The following UBE3A variants were observed in gnomAD, a reference collection of about 807,000 sequenced individuals.
UBE3A encodes the protein ubiquitin protein ligase E3A.
A neutral mutation model predicts 83.4 loss-of-function variants in UBE3A; 6 were observed. The observed-to-expected ratio is 0.07, with a 90% CI of 0.04 to 0.14. The LOEUF is 0.14. UBE3A is among the 10% of genes least tolerant of loss of function. The pLI is 1.00. For missense variants in UBE3A, 456 were observed against 1,036.1 expected (o/e 0.44, Z 7.69); for synonymous variants, 337 against 355.4 (o/e 0.95, Z 0.58).
intron 4 of UBE3A, among the ~76,000 whole-genome samples, chr15:25,380,944 G>A (rs1286768868): frequency 6.6e-6 from 1 of 152,182 alleles, no homozygotes; most frequent in Non-Finnish European, 1.5e-5. Context: ...GAATTAATGG[G>A]ACAGTGCTAC....
intron 4 of UBE3A, among the ~76,000 whole-genome samples, chr15:25,384,655 GA>G (rs148771091): frequency 5.2e-4 from 77 of 148,368 alleles, no homozygotes; most frequent in Non-Finnish European, 7.5e-4. Flanking sequence ...TACAGAAACA[GA>G]AAAAAAAAAT....
intron 4 of UBE3A, among the ~76,000 whole-genome samples, chr15:25,392,448 G>T (rs552914943): frequency 6.6e-6 from 1 of 152,082 alleles, no homozygotes. Flanking sequence ...CCTTTGGACA[G>T]TTTCATCTTT....
intron 11 of UBE3A, among the ~76,000 whole-genome samples, chr15:25,344,783 AT>A (rs774140931): frequency 6.6e-6 from 1 of 152,128 alleles, no homozygotes; most frequent in Non-Finnish European, 1.5e-5. Flanking sequence ...AGAAAAAAGA[AT>A]GCCAGGTATA....
intron 6 of UBE3A, among the ~76,000 whole-genome samples, chr15:25,364,805 G>C (rs950656776): frequency 1.3e-5 from 2 of 151,896 alleles, no homozygotes; most frequent in African/African-American, 4.8e-5. Flanking sequence ...CACCGCGCCT[G>C]GCTATTTTTT....
chr15:25,367,168 T>TTTACATATTTGTAAATATGTAAATAC (rs1260889393), intron 6 of UBE3A, among the ~76,000 whole-genome samples: 1 of 116,224 alleles, frequency 8.6e-6, no homozygotes, highest in Non-Finnish European at 1.9e-5. Context: ...AATGGGTATA[T>TTTACATATTTGTAAATATGTAAATAC]TTACATATTT....
At chr15:25,400,642 T>C (rs769958236) in intron 4 of UBE3A, among the ~76,000 whole-genome samples, 8 of 152,216 alleles carry the variant, frequency 5.3e-5, no homozygotes, top group Non-Finnish European at 1.2e-4. Flanking sequence ...ATTCTACGGA[T>C]TTTTGTATCT....
At chr15:25,350,691 C>T (rs943345749) in intron 11 of UBE3A, among the ~76,000 whole-genome samples, 2 of 152,002 alleles carry the variant, frequency 1.3e-5, no homozygotes, top group Non-Finnish European at 2.9e-5. Context: ...TCCAACTGTC[C>T]ACCAACAGGT....
chr15:25,393,449 A>C (rs1472001547), intron 4 of UBE3A, among the ~76,000 whole-genome samples: 1 of 152,204 alleles, frequency 6.6e-6, no homozygotes, highest in Non-Finnish European at 1.5e-5. Context: ...AAGTTCTGCT[A>C]ATTTGGGGAA....
chr15:25,429,279 T>G (rs748479240), intron 1 of UBE3A, among the ~76,000 whole-genome samples: 3 of 151,826 alleles, frequency 2.0e-5, no homozygotes, highest in Non-Finnish European at 4.4e-5. Context: ...ACTTGAACAG[T>G]TGGGGTTGTT....
intron 1 of UBE3A, among the ~76,000 whole-genome samples, chr15:25,436,384 T>C (rs988745046): frequency 6.6e-6 from 1 of 152,186 alleles, no homozygotes; most frequent in Non-Finnish European, 1.5e-5. Context: ...TGTAACATGA[T>C]TGGAGAACAT....
At chr15:25,401,313 C>A (rs1200735621) in intron 4 of UBE3A, among the ~76,000 whole-genome samples, 2 of 152,154 alleles carry the variant, frequency 1.3e-5, no homozygotes, top group African/African-American at 4.8e-5. Context: ...TAATGCTCAT[C>A]TCCCAAAATG....
intron 4 of UBE3A, among the ~76,000 whole-genome samples, chr15:25,403,261 C>T (rs1367519820): frequency 6.6e-6 from 1 of 152,158 alleles, no homozygotes; most frequent in Non-Finnish European, 1.5e-5. Flanking sequence ...ACTTCTGATC[C>T]ACTTCTTCAC....
intron 4 of UBE3A, among the ~76,000 whole-genome samples, chr15:25,388,677 T>C (rs2152942421): frequency 6.6e-6 from 1 of 151,866 alleles, no homozygotes; most frequent in Middle Eastern, 3.4e-3. Flanking sequence ...GCAGATGAAA[T>C]GACTATATGT....
rs2074180944 is a variant in UBE3A, at chr15:25,338,456, G to A, written c.*681C>T. ...GTTGTTTTTGTTTTTAATTTGTTGTGCTGTTACTAAAGTTCTGAGGGCTGC... is the reference window on the plus strand; with the variant it reads ...GTTGTTTTTGTTTTTAATTTGTTGTACTGTTACTAAAGTTCTGAGGGCTGC... On this transcript the variant is annotated 3_prime_UTR_variant, in exon 13 of 13. Coordinates refer to ENST00000648336, the MANE Select transcript of UBE3A (RefSeq NM_130839.5). 6.6e-6 allele frequency: 1 copy of A among 151,892 alleles called. No homozygotes were observed. The highest frequency in any genetic ancestry group is 1.5e-5 in the Non-Finnish European group (1 of 67,952). The allele number at this position is 151,892 out of a possible 1,614,324, so 9.4% of individuals were successfully genotyped here. A position where few individuals can be genotyped will look rare whatever the true frequency, so the allele number is the denominator to read the frequency against.
rs1159734041 is a variant in UBE3A at position 25,337,312 on chromosome 15, CA to C, written c.*1824del. 2 of 152,104 alleles carry C rather than the reference CA, an allele frequency of 1.3e-5. No homozygotes were observed. The highest frequency in any genetic ancestry group is 2.9e-5 in the Non-Finnish European group (2 of 68,006). The allele number at this position is 152,104 out of a possible 1,614,324, so 9.4% of individuals were successfully genotyped here. A position where few individuals can be genotyped will look rare whatever the true frequency, so the allele number is the denominator to read the frequency against. ...TTAATTTCTCCTCACTTTAATTACA[CA>C]TTAAGAAGCACAGTGGATGAGAAGC... On this transcript the variant is annotated 3_prime_UTR_variant, in exon 13 of 13. Transcript: ENST00000648336.
intron 4 of UBE3A, among the ~76,000 whole-genome samples, chr15:25,390,843 C>A (rs189820221): frequency 6.6e-6 from 1 of 151,888 alleles, no homozygotes; most frequent in Admixed American, 6.6e-5. Flanking sequence ...GTGGGAGATG[C>A]ACACTGGCTA....
At chr15:25,359,501 T>C (rs1028600052) in intron 7 of UBE3A, among the ~76,000 whole-genome samples, 12 of 146,844 alleles carry the variant, frequency 8.2e-5, no homozygotes, top group African/African-American at 3.0e-4. Context: ...TCAATTAGAA[T>C]CAACAGGCTA....
At chr15:25,393,283 T>C (rs1373769485) in intron 4 of UBE3A, among the ~76,000 whole-genome samples, 41 of 152,162 alleles carry the variant, frequency 2.7e-4, no homozygotes, top group South Asian at 8.3e-4. Flanking sequence ...GTAGGGTTTC[T>C]GGTATGGGCA....
At chr15:25,373,513 T>C (rs2080664490) in intron 5 of UBE3A, 1 of 152,282 alleles carries the variant, frequency 6.6e-6, no homozygotes, top group Non-Finnish European at 1.5e-5. Flanking sequence ...AGTCTCACTC[T>C]GTTGCCAGGT....
Sources: gnomAD v4.1 joint callset for allele counts (sites outside exome capture counted in the v4.1 genomes callset) on GRCh38, gnomAD v4.1.1 for gene constraint, MANE v1.5 for transcripts, NCBI Gene and HGNC (gene_info 2026-07-23, HGNC 2026-07-21) for gene names.